KCNH7: variants seen among roughly 807,000 people sequenced by gnomAD.
The protein encoded by KCNH7 is voltage-gated inwardly rectifying potassium channel KCNH7.
Under a neutral mutation model 120.8 loss-of-function variants are expected in KCNH7, and 49 were observed. The ratio of observed to expected loss-of-function variants is 0.41; its 90% CI spans 0.32 to 0.51. KCNH7 has a LOEUF of 0.51. KCNH7 is among the 20% of genes least tolerant of loss of function. The pLI is 0.38. For missense variants in KCNH7, 1,097 were observed against 1,446.6 expected (o/e 0.76, Z 3.92); for synonymous variants, 547 against 516.1 (o/e 1.06, Z -0.81).
chr2:162,405,698 A>T (rs186246501), intron 9 of KCNH7, among the ~76,000 whole-genome samples: 71 of 152,112 alleles, frequency 4.7e-4, no homozygotes, highest in African/African-American at 1.6e-3. Context: ...TTCTGATTTG[A>T]TGTATGTGCT....
At chr2:162,594,688 C>T (rs898037470) in intron 2 of KCNH7, among the ~76,000 whole-genome samples, 6 of 151,700 alleles carry the variant, frequency 4.0e-5, no homozygotes, top group African/African-American at 1.2e-4. Flanking sequence ...AGACTTTTCT[C>T]GTCCTTATTC....
intron 2 of KCNH7, among the ~76,000 whole-genome samples, chr2:162,593,986 T>C (rs1364765097): frequency 1.3e-5 from 2 of 152,038 alleles, no homozygotes; most frequent in Non-Finnish European, 2.9e-5. Flanking sequence ...AGGATGGCAT[T>C]AGTAACATCA....
At chr2:162,393,328 C>T (rs759397607) in intron 12 of KCNH7, among the ~76,000 whole-genome samples, 1 of 151,946 alleles carries the variant, frequency 6.6e-6, no homozygotes, top group Non-Finnish European at 1.5e-5. Flanking sequence ...GACTGAAGCT[C>T]AGGTGGTCTG....
At chr2:162,697,996 A>G (rs1686351906) in intron 2 of KCNH7, among the ~76,000 whole-genome samples, 1 of 152,134 alleles carries the variant, frequency 6.6e-6, no homozygotes, top group Admixed American at 6.6e-5. Context: ...TCCTAAAATT[A>G]ATGCTGCCCC....
intron 2 of KCNH7, among the ~76,000 whole-genome samples, chr2:162,659,624 T>C (rs1684888918): frequency 6.6e-6 from 1 of 152,186 alleles, no homozygotes; most frequent in African/African-American, 2.4e-5. Flanking sequence ...ATTACAGGCA[T>C]GAGCCACTGC....
Position 162,769,944 on chromosome 2 carries a change from A to G in KCNH7, c.307+66593T>C, listed in dbSNP as rs1258476740. The stretch of plus-strand genomic sequence containing the variant: ...ATAATCATGTTTTTAACCCTTTGGG[A>G]TTTTTAGAATGGTACAATACAAAAG... On this transcript the variant is annotated intron_variant, in intron 2 of 15. Coordinates refer to ENST00000332142, the MANE Select transcript of KCNH7 (RefSeq NM_033272.4). 2.6e-5 allele frequency among the ~76,000 whole-genome samples: 4 copies of G among 152,056 alleles called. No homozygotes were observed. The East Asian group carries it at 7.7e-4, about 29-fold the overall frequency.
At chr2:162,620,736 G>C (rs1228264453) in intron 2 of KCNH7, among the ~76,000 whole-genome samples, 1 of 152,136 alleles carries the variant, frequency 6.6e-6, no homozygotes, top group Non-Finnish European at 1.5e-5. Flanking sequence ...AGTTCAGGTA[G>C]ATAGAAATGG....
At chr2:162,800,868 A>G (rs1684315759) in intron 2 of KCNH7, among the ~76,000 whole-genome samples, 1 of 151,700 alleles carries the variant, frequency 6.6e-6, no homozygotes, top group African/African-American at 2.4e-5. Flanking sequence ...GTCTTATCCT[A>G]TTTGTTTCAT....
chr2:162,799,328 A>T, intron 2 of KCNH7, among the ~76,000 whole-genome samples: 1 of 151,904 alleles, frequency 6.6e-6, no homozygotes, highest in African/African-American at 2.4e-5. Context: ...ATTTAATTTA[A>T]ATTTCTTCTT....
intron 2 of KCNH7, among the ~76,000 whole-genome samples, chr2:162,739,206 G>A (rs1269732499): frequency 6.6e-6 from 1 of 152,024 alleles, no homozygotes; most frequent in African/African-American, 2.4e-5. Flanking sequence ...TCCCTTGTAT[G>A]CCTGTTCTAC....
At chr2:162,384,634 C>A (rs34382064) in intron 13 of KCNH7, 54 bp downstream of exon 13, 40,153 of 1,549,662 alleles carry the variant, frequency 0.026, 681 homozygotes, top group Non-Finnish European at 0.029. Flanking sequence ...TAAAAAGTCA[C>A]CATTTTGTGA....
chr2:162,733,012 A>T (rs554273115), intron 2 of KCNH7, among the ~76,000 whole-genome samples: 1 of 152,242 alleles, frequency 6.6e-6, no homozygotes, highest in Non-Finnish European at 1.5e-5. Flanking sequence ...AAAATTTGGC[A>T]TATTTAGCAA....
chr2:162,779,093 CA>C (rs1478867621), intron 2 of KCNH7, among the ~76,000 whole-genome samples: 1 of 148,796 alleles, frequency 6.7e-6, no homozygotes, highest in African/African-American at 2.5e-5. Context: ...GTTTTGTTGG[CA>C]AAAATTATGG....
chr2:162,727,969 T>C (rs1031236958), intron 2 of KCNH7, among the ~76,000 whole-genome samples: 1 of 152,170 alleles, frequency 6.6e-6, no homozygotes, highest in African/African-American at 2.4e-5. Context: ...AACATACATA[T>C]ATTGAATGTG....
In KCNH7 at chr2:162,371,670, G is replaced by A. The variant is rs777608961; in HGVS notation, c.*159C>T. On this transcript the variant is annotated 3_prime_UTR_variant, in exon 16 of 16. Coordinates refer to ENST00000332142, the MANE Select transcript of KCNH7 (RefSeq NM_033272.4). ...TGTATATTTACATCCTAACTGCTCA[G>A]TTTTACCTTACAAGCTTCAATTTAG... 1.1e-4 allele frequency: 94 copies of A among 845,908 alleles called. No individual in the cohort carries two copies. In the African/African-American group the frequency reaches 1.5e-3, roughly 13 times the overall value. The allele number at this position is 845,908 out of a possible 1,614,324, so 52.4% of individuals were successfully genotyped here.
At chr2:162,523,479 C>T (rs1412788377) in intron 3 of KCNH7, among the ~76,000 whole-genome samples, 1 of 151,822 alleles carries the variant, frequency 6.6e-6, no homozygotes, top group African/African-American at 2.4e-5. Context: ...CAAAAATTGG[C>T]TTTACTAAAC....
In KCNH7 at chr2:162,654,377, C is replaced by G. The variant is rs540655882; in HGVS notation, c.308-117297G>C. On this transcript the variant is annotated intron_variant, in intron 2 of 15. Transcript: ENST00000332142. Reference sequence around the variant, plus strand: ...TACTCAAAAAAAAACATAGAAATGGCCAACAGGTATATGAAAAAATGTCCA... The same window carrying G: ...TACTCAAAAAAAAACATAGAAATGGGCAACAGGTATATGAAAAAATGTCCA... Among the ~76,000 whole-genome samples the G allele has an allele frequency of 1.1e-4, 16 of 151,174 alleles. No individual in the cohort carries two copies. The South Asian group carries it at 3.1e-3, about 30-fold the overall frequency.
At chr2:162,704,232 C>A (rs1246025675) in intron 2 of KCNH7, among the ~76,000 whole-genome samples, 3 of 151,892 alleles carry the variant, frequency 2.0e-5, no homozygotes, top group African/African-American at 7.3e-5. Flanking sequence ...TGTTTTAGTT[C>A]CCCCAGAGAA....
Position 162,644,202 on chromosome 2 carries a change from T to G in KCNH7, c.308-107122A>C, listed in dbSNP as rs76759196. On this transcript the variant is annotated intron_variant, in intron 2 of 15. Coordinates refer to ENST00000332142, the MANE Select transcript of KCNH7 (RefSeq NM_033272.4). The stretch of plus-strand genomic sequence containing the variant: ...ATCTGTGCTATTTACAATGACCCAC[T>G]CAGTATCAACAAATAACCTGTTTCT... Among the ~76,000 whole-genome samples the G allele has an allele frequency of 2.2e-4, 33 of 152,254 alleles. No homozygotes were observed. The East Asian group carries it at 6.4e-3, about 29-fold the overall frequency.
Sources: allele counts gnomAD v4.1 joint callset (sites outside exome capture counted in the v4.1 genomes callset), GRCh38; gene constraint gnomAD v4.1.1; transcripts MANE v1.5; gene names NCBI Gene and HGNC (gene_info 2026-07-23, HGNC 2026-07-21).